BCL9: variants seen among roughly 807,000 people sequenced by gnomAD.
The protein encoded by BCL9 is B-cell CLL/lymphoma 9 protein.
In BCL9, 25 loss-of-function variants were observed where a neutral mutation model predicts 88.5. The ratio of observed to expected loss-of-function variants is 0.28; its 90% CI spans 0.21 to 0.39. The LOEUF is 0.39. Ranked by LOEUF, BCL9 falls within the 10% of genes least tolerant of loss-of-function variation. BCL9 has a pLI of 1.00. For missense variants in BCL9, 1,817 were observed against 1,877.8 expected, an observed-to-expected ratio of 0.97 and a Z score of 0.60; for synonymous variants, 711 against 673.3, an observed-to-expected ratio of 1.06 and a Z score of -0.87.
In BCL9 at chr1:147,624,885, C is replaced by T. The variant is rs781948489; in HGVS notation, c.4207C>T (p.Arg1403Trp). The change falls in exon 10 of 10, where the codon CGG becomes TGG. Residue 1403 changes from arginine to tryptophan, a missense_variant. Transcript: ENST00000234739. The surrounding 1 kb of genome is among the most constrained non-coding windows in gnomAD (Gnocchi z 4.4). The part of the protein sequence containing the change: ...NIMIPPQMRP[R>W]GMAADVGMGG... ...CATGATCCCCCCACAGATGAGGCCC[C>T]GGGGCATGGCTGCTGACGTGGGCAT... The T allele has an allele frequency of 1.4e-5, 22 of 1,614,092 alleles. No homozygotes were observed. The highest frequency in any genetic ancestry group is 4.5e-5 in the East Asian group (2 of 44,882).
chr1:147,550,249 A>G (rs1465035360), intron 1 of BCL9, among the ~76,000 whole-genome samples: 1 of 152,198 alleles, frequency 6.6e-6, no homozygotes, highest in Non-Finnish European at 1.5e-5. Context: ...GTCACTTGGT[A>G]TAAAACTGGA....
chr1:147,616,666 C>G (rs1177682258), intron 7 of BCL9, among the ~76,000 whole-genome samples: 1 of 151,872 alleles, frequency 6.6e-6, no homozygotes, highest in Non-Finnish European at 1.5e-5. Flanking sequence ...ACTTGGGAGG[C>G]TGAGGCAGGA....
intron 1 of BCL9, among the ~76,000 whole-genome samples, chr1:147,552,430 A>T (rs1654940558): frequency 6.6e-6 from 1 of 151,858 alleles, no homozygotes; most frequent in African/African-American, 2.4e-5. Context: ...CAACATGGAA[A>T]CCCTGTCTCT....
intron 1 of BCL9, among the ~76,000 whole-genome samples, chr1:147,594,140 A>G (rs1004783447): frequency 6.0e-4 from 91 of 152,336 alleles, no homozygotes; most frequent in African/African-American, 2.1e-3. Flanking sequence ...TAGACAATTC[A>G]CGAATTATGT....
chr1:147,582,401 A>G (rs1656407168), intron 1 of BCL9, among the ~76,000 whole-genome samples: 1 of 152,154 alleles, frequency 6.6e-6, no homozygotes, highest in Non-Finnish European at 1.5e-5. Context: ...AAGAGTATGA[A>G]CATTTAATTT....
At chr1:147,615,090 C>T (rs184733054) in intron 6 of BCL9, among the ~76,000 whole-genome samples, 17 of 152,234 alleles carry the variant, frequency 1.1e-4, no homozygotes, top group Middle Eastern at 3.4e-3. Flanking sequence ...ATCTGCCTGC[C>T]TCAGCCTCCC....
chr1:147,625,663 C>T lies in BCL9; in HGVS notation c.*704C>T. ...GTTTTTCAGTTCAAGTGCTCTTCAG[C>T]ACTGTCTTGTCTCCCAATATACCAA... is the stretch of plus-strand genomic sequence containing the variant. On this transcript the variant is annotated 3_prime_UTR_variant, in exon 10 of 10. Coordinates refer to ENST00000234739, the MANE Select transcript of BCL9 (RefSeq NM_004326.4). The T allele has an allele frequency of 4.3e-6, 1 of 231,466 alleles. No homozygotes were observed. Among genetic ancestry groups the T allele is most frequent in the Non-Finnish European group, 8.6e-6 (1 of 116,714 alleles). 14.3% of individuals were successfully genotyped at this position (231,466 alleles called of 1,614,324 possible).
chr1:147,559,570 T>C (rs774625781), intron 1 of BCL9, among the ~76,000 whole-genome samples: 26 of 152,240 alleles, frequency 1.7e-4, no homozygotes, highest in Non-Finnish European at 2.6e-4. Context: ...CAAACTTTCA[T>C]GTCCCTTCTA....
chr1:147,625,125 T>C lies in BCL9; in HGVS notation c.*166T>C. 1.4e-6 allele frequency: 1 copy of C among 719,188 alleles called. No homozygotes were observed. Among genetic ancestry groups the C allele is most frequent in the Non-Finnish European group, 2.1e-6 (1 of 480,500 alleles). The allele number at this position is 719,188 out of a possible 1,614,324, so 44.6% of individuals were successfully genotyped here. On this transcript the variant is annotated 3_prime_UTR_variant, in exon 10 of 10. Transcript: ENST00000234739. ...GAACTCGAGAATGTATGGATTTACC[T>C]GAAAACAAATTATTCATTTAATCAA...
Position 147,619,370 on chromosome 1 carries a change from A to G in BCL9, c.1215A>G (p.Pro405=), listed in dbSNP as rs112236682. Residue 405 remains proline (P), a synonymous_variant, in exon 8 of 10, where the codon CCA becomes CCG. Coordinates refer to ENST00000234739, the MANE Select transcript of BCL9 (RefSeq NM_004326.4). The surrounding 1 kb of genome is among the most constrained non-coding windows in gnomAD (Gnocchi z 4.1). ...GGCCTCAGAAAAAACCAGAAGGGCCAATACAGGCCATGATGGCCCAATCCC... is the reference window on the plus strand; with the variant it reads ...GGCCTCAGAAAAAACCAGAAGGGCCGATACAGGCCATGATGGCCCAATCCC... ...LDGPQKKPEG[P]IQAMMAQSQS... 6.9e-5 allele frequency: 111 copies of G among 1,614,092 alleles called. 1 individual carries two copies. The African/African-American group carries it at 1.1e-3, about 16-fold the overall frequency.
At chr1:147,542,301 C>A (rs1266805871) in intron 1 of BCL9, among the ~76,000 whole-genome samples, 4 of 152,234 alleles carry the variant, frequency 2.6e-5, no homozygotes, top group Non-Finnish European at 5.9e-5. Flanking sequence ...AACTCTGCCA[C>A]AAGACGATCC....
intron 1 of BCL9, among the ~76,000 whole-genome samples, chr1:147,593,617 A>G (rs1656931667): frequency 6.6e-6 from 1 of 152,174 alleles, no homozygotes; most frequent in Non-Finnish European, 1.5e-5. Flanking sequence ...TACTTTTTTG[A>G]ATCTTCAGTA....
At chr1:147,612,579 G>A (rs1553202780) in intron 4 of BCL9, among the ~76,000 whole-genome samples, 1 of 152,164 alleles carries the variant, frequency 6.6e-6, no homozygotes, top group Non-Finnish European at 1.5e-5. Flanking sequence ...CTTAGTGTAA[G>A]AGTCACCTCT....
chr1:147,600,981 C>T (rs992285429), intron 1 of BCL9, among the ~76,000 whole-genome samples: 1 of 151,992 alleles, frequency 6.6e-6, no homozygotes, highest in African/African-American at 2.4e-5. Flanking sequence ...GTTGGGTGAG[C>T]CTGGTGAAAT....
At chr1:147,568,649 A>G (rs782064746) in intron 1 of BCL9, among the ~76,000 whole-genome samples, 1 of 152,076 alleles carries the variant, frequency 6.6e-6, no homozygotes, top group Non-Finnish European at 1.5e-5. Context: ...ACTATTAACA[A>G]TCTCCTTCTC....
At chr1:147,613,224 T>G (rs782271089) in intron 5 of BCL9, 25 bp downstream of exon 5, 60 of 1,612,496 alleles carry the variant, frequency 3.7e-5, no homozygotes, top group Middle Eastern at 1.6e-4. Context: ...TCTTTGAGAC[T>G]CAGAGGGAAG....
rs782556552 is a variant in BCL9, at chr1:147,620,625, C to G, written c.2470C>G (p.Pro824Ala). 11 of 1,614,170 alleles carry G rather than the reference C, an allele frequency of 6.8e-6. No individual in the cohort carries two copies. Among genetic ancestry groups the G allele is most frequent in the Non-Finnish European group, 9.3e-6 (11 of 1,180,030 alleles). The change falls in exon 8 of 10, where the codon CCT (proline) becomes GCT (alanine). Residue 824 changes from proline (P) to alanine (A), a missense_variant. Physicochemically the swap from Pro to Ala is conservative, Grantham distance 27 (BLOSUM62 -1). This residue lies in a region of BCL9 where 1,228 missense variants were observed against 1,191.6 expected (regional missense o/e 1.03). Transcript: ENST00000234739. ...TCATATGCCACCACTACCTCTCAACCCTTCCAGTAACCCCACCAGCCTCAA... is the reference window on the plus strand; with the variant it reads ...TCATATGCCACCACTACCTCTCAACGCTTCCAGTAACCCCACCAGCCTCAA... ...LSHMPPLPLNPSSNPTSLNTA... is the reference protein window; with the variant it reads ...LSHMPPLPLNASSNPTSLNTA...
intron 1 of BCL9, among the ~76,000 whole-genome samples, chr1:147,560,479 A>G (rs1300643887): frequency 6.6e-6 from 1 of 151,592 alleles, no homozygotes; most frequent in Admixed American, 6.6e-5. Context: ...AATCCCAGCT[A>G]CTCAGGGGCG....
At chr1:147,605,937 G>A (rs1464177201) in intron 2 of BCL9, among the ~76,000 whole-genome samples, 2 of 152,184 alleles carry the variant, frequency 1.3e-5, no homozygotes, top group Non-Finnish European at 2.9e-5. Context: ...AGTTGAAATT[G>A]GAATCATAGA....
Sources: allele counts gnomAD v4.1 joint callset (sites outside exome capture counted in the v4.1 genomes callset), GRCh38; gene constraint gnomAD v4.1.1; regional missense constraint gnomAD v4.1.1; non-coding constraint Gnocchi (gnomAD v3.1); transcripts MANE v1.5; gene names NCBI Gene and HGNC (gene_info 2026-07-23, HGNC 2026-07-21).